TAPT1: variants seen among roughly 807,000 people sequenced by gnomAD.
The protein encoded by TAPT1 is transmembrane anterior posterior transformation protein 1 homolog.
TAPT1 carries 28 observed loss-of-function variants against 65.6 expected under a neutral mutation model. That is an observed-to-expected ratio of 0.43 (90% CI 0.32 to 0.59). TAPT1 has a LOEUF of 0.59. Among genes scored for constraint, TAPT1 ranks in the 20% least tolerant of loss-of-function variants. The pLI is 0.09. For missense variants in TAPT1, 563 were observed against 679.9 expected (o/e 0.83, Z 1.91); for synonymous variants, 278 against 245.2 (o/e 1.13, Z -1.25).
intron 1 of TAPT1, among the ~76,000 whole-genome samples, chr4:16,218,382 T>A (rs1233611908): frequency 6.6e-6 from 1 of 152,166 alleles, no homozygotes; most frequent in Non-Finnish European, 1.5e-5. Flanking sequence ...CCAGCCTGGG[T>A]GACAAGAGTG....
intron 7 of TAPT1, among the ~76,000 whole-genome samples, chr4:16,184,877 C>A (rs139063011): frequency 1.3e-5 from 2 of 152,192 alleles, no homozygotes; most frequent in Admixed American, 6.5e-5. Flanking sequence ...CAAAATCTAT[C>A]GTCAGATATA....
intron 4 of TAPT1, 102 bp downstream of exon 4, chr4:16,191,259 C>T (rs2149692624): frequency 1.4e-5 from 17 of 1,223,846 alleles, no homozygotes; most frequent in Non-Finnish European, 4.5e-6. Context: ...AGCACCATAA[C>T]TAGAGTCGGT....
chr4:16,226,266 GC>G lies in TAPT1; in HGVS notation c.191del (p.Gly64AlafsTer8), dbSNP rs1452150094. ...TAGCGCCGCCCGCCTCACCTGTGCG[GC>G]CCCGGCGCCTCTCCCGCCGCCGGTC... ...ESDRRRERRR[G>X]RTELSLLRFL... On this transcript the variant is annotated frameshift_variant, in exon 1 of 14. Coordinates refer to ENST00000405303, the MANE Select transcript of TAPT1 (RefSeq NM_153365.3). LOFTEE classifies it high-confidence loss of function. 8.9e-7 allele frequency: 1 copy of G among 1,123,278 alleles called. No homozygotes were observed. Among genetic ancestry groups the G allele is most frequent in the Non-Finnish European group, 1.1e-6 (1 of 919,250 alleles). The allele number at this position is 1,123,278 out of a possible 1,614,324, so 69.6% of individuals were successfully genotyped here. A position where few individuals can be genotyped will look rare whatever the true frequency, so the allele number is the denominator to read the frequency against.
intron 1 of TAPT1, among the ~76,000 whole-genome samples, chr4:16,224,069 C>CA (rs1279951419): frequency 1.3e-5 from 2 of 152,096 alleles, no homozygotes; most frequent in East Asian, 3.9e-4. Flanking sequence ...GCTAGACTCT[C>CA]AGAGGCACAC....
chr4:16,215,387 A>G (rs1750878779), intron 1 of TAPT1, among the ~76,000 whole-genome samples: 1 of 152,170 alleles, frequency 6.6e-6, no homozygotes, highest in African/African-American at 2.4e-5. Flanking sequence ...ATAGGTCTAC[A>G]ACAGCTTACT....
At chr4:16,176,281 A>G (rs1560156535) in intron 8 of TAPT1, 53 bp from the exon 9 acceptor site, 9 of 863,866 alleles carry the variant, frequency 1.0e-5, no homozygotes, top group East Asian at 2.8e-5. Context: ...AACAGAATCC[A>G]TATCACAGGC....
At chr4:16,182,078 T>C (rs1447808347) in intron 7 of TAPT1, among the ~76,000 whole-genome samples, 3 of 152,198 alleles carry the variant, frequency 2.0e-5, no homozygotes, top group Admixed American at 6.5e-5. Flanking sequence ...AATGAGGCTG[T>C]TATGTGAAGA....
intron 7 of TAPT1, 43 bp downstream of exon 7, chr4:16,186,492 A>G (rs1456506876): frequency 7.5e-7 from 1 of 1,339,386 alleles, no homozygotes; most frequent in South Asian, 1.3e-5. Flanking sequence ...GAACTGCAAA[A>G]TAATACTGCA....
intron 2 of TAPT1, among the ~76,000 whole-genome samples, chr4:16,203,709 C>A (rs1156540015): frequency 6.6e-6 from 1 of 152,154 alleles, no homozygotes; most frequent in Non-Finnish European, 1.5e-5. Context: ...CTCGATTGCA[C>A]ACTTCCAGCT....
intron 3 of TAPT1, 39 bp downstream of exon 3, chr4:16,202,423 A>C: frequency 1.7e-6 from 2 of 1,199,138 alleles, no homozygotes; most frequent in Non-Finnish European, 2.4e-6. Context: ...AAATAATGAA[A>C]TACTATACAT....
intron 3 of TAPT1, among the ~76,000 whole-genome samples, chr4:16,196,502 C>A (rs987788795): frequency 6.6e-6 from 1 of 152,120 alleles, no homozygotes; most frequent in Non-Finnish European, 1.5e-5. Context: ...GCTTTAAGAC[C>A]AAGTAAAGAT....
intron 12 of TAPT1, among the ~76,000 whole-genome samples, chr4:16,169,526 G>A (rs999372632): frequency 6.6e-6 from 1 of 152,226 alleles, no homozygotes. Flanking sequence ...TTACATTAAT[G>A]TAGTAAACCA....
At chr4:16,212,786 A>G (rs1750721692) in intron 2 of TAPT1, among the ~76,000 whole-genome samples, 1 of 152,258 alleles carries the variant, frequency 6.6e-6, no homozygotes, top group South Asian at 2.1e-4. Context: ...AGAACTCCCT[A>G]AAACTTCAGC....
Position 16,226,471 on chromosome 4 carries a change from C to G in TAPT1, c.-14G>C. On this transcript the variant is annotated 5_prime_UTR_variant, in exon 1 of 14. Coordinates refer to ENST00000405303, the MANE Select transcript of TAPT1 (RefSeq NM_153365.3). Reference sequence around the variant, plus strand: ...GACGCCCGCCATGTTCCGAGCACAACAAACTGTCCCCGCCGCCTCCCTCCA... The same window carrying G: ...GACGCCCGCCATGTTCCGAGCACAAGAAACTGTCCCCGCCGCCTCCCTCCA... 1 of 1,056,346 alleles carries G rather than the reference C, an allele frequency of 9.5e-7. No individual in the cohort carries two copies. Among genetic ancestry groups the G allele is most frequent in the Non-Finnish European group, 1.1e-6 (1 of 877,690 alleles). 65.4% of individuals were successfully genotyped at this position (1,056,346 alleles called of 1,614,324 possible).
chr4:16,172,238 AT>A (rs560496797), intron 11 of TAPT1, among the ~76,000 whole-genome samples: 253 of 152,352 alleles, frequency 1.7e-3, no homozygotes, highest in Middle Eastern at 0.01. Flanking sequence ...AAATTTTTAA[AT>A]ACTATTTCAA....
chr4:16,215,451 T>A (rs1229067733), intron 1 of TAPT1, among the ~76,000 whole-genome samples: 1 of 152,142 alleles, frequency 6.6e-6, no homozygotes, highest in Non-Finnish European at 1.5e-5. Context: ...TCAAGTGGCT[T>A]GCTTATGTTA....
chr4:16,220,670 AC>A (rs1329347331), intron 1 of TAPT1, among the ~76,000 whole-genome samples: 1 of 150,560 alleles, frequency 6.6e-6, no homozygotes, highest in Non-Finnish European at 1.5e-5. Context: ...AATTGCTTGA[AC>A]CCAGGAGGCG....
rs1276265479 is a variant in TAPT1, at chr4:16,188,268, C to T, written c.700G>A (p.Ala234Thr). 1.2e-6 allele frequency: 2 copies of T among 1,612,706 alleles called. No homozygotes were observed. The highest frequency in any genetic ancestry group is 1.7e-6 in the Non-Finnish European group (2 of 1,179,254). Residue 234 changes from alanine to threonine, a missense_variant, in exon 5 of 14, where the codon GCC becomes ACC. Physicochemically the swap from Ala to Thr is moderately conservative, Grantham distance 58 (BLOSUM62 0). Transcript: ENST00000405303. ...TATEPKERKR[A>T]HIGVIPHFFM... is the part of the protein sequence containing the mutation. ...AAGTGAGGAATCACCCCAATGTGGGCTCTTTTTCTTTCTTTAGGCTCTGTT... is the reference window on the plus strand; with the variant it reads ...AAGTGAGGAATCACCCCAATGTGGGTTCTTTTTCTTTCTTTAGGCTCTGTT...
At chr4:16,181,251 CCTTT>C (rs1422426335) in intron 7 of TAPT1, among the ~76,000 whole-genome samples, 3 of 152,112 alleles carry the variant, frequency 2.0e-5, no homozygotes, top group East Asian at 1.9e-4. Flanking sequence ...TGTGCTAAGT[CCTTT>C]CTAATTTCCA....
Sources: allele counts gnomAD v4.1 joint callset (sites outside exome capture counted in the v4.1 genomes callset), GRCh38; gene constraint gnomAD v4.1.1; transcripts MANE v1.5; gene names NCBI Gene and HGNC (gene_info 2026-07-23, HGNC 2026-07-21).